The following SLC33A1 variants were observed in gnomAD, a reference collection of about 807,000 sequenced individuals.
SLC33A1 encodes the protein acetyl-coenzyme A transporter 1.
A neutral mutation model predicts 50.0 loss-of-function variants in SLC33A1; 20 were observed. The observed-to-expected ratio is 0.40, with a 90% CI of 0.28 to 0.58. The LOEUF (loss-of-function observed/expected upper bound fraction) is 0.58, where lower values mean the gene tolerates loss of function less well. SLC33A1 is among the 20% of genes least tolerant of loss of function. The pLI, the probability that SLC33A1 is intolerant of heterozygous loss-of-function variation, is 0.44. For missense variants in SLC33A1, 476 were observed against 657.0 expected (o/e 0.72, Z 3.01); for synonymous variants, 265 against 251.8 (o/e 1.05, Z -0.50).
At chr3:155,849,551 T>C (rs923020582) in intron 1 of SLC33A1, among the ~76,000 whole-genome samples, 1 of 149,990 alleles carries the variant, frequency 6.7e-6, no homozygotes, top group Non-Finnish European at 1.5e-5. Flanking sequence ...AAGCTAGTTA[T>C]AGAATCTACT....
intron 2 of SLC33A1, among the ~76,000 whole-genome samples, chr3:155,839,331 ACCATTTCACTCCAGCCTGGGC>A (rs1752832448): frequency 9.1e-6 from 1 of 109,994 alleles, no homozygotes; most frequent in Non-Finnish European, 1.8e-5. Context: ...AAAAAAATTA[ACCATTTCACTCCAGCCTGGGC>A]AACAAAGCGA....
chr3:155,829,622 A>C, intron 5 of SLC33A1, 66 bp downstream of exon 5: 1 of 1,151,626 alleles, frequency 8.7e-7, no homozygotes, highest in East Asian at 2.4e-5. Context: ...GTACTTCTAG[A>C]GACAAAACAA....
intron 2 of SLC33A1, among the ~76,000 whole-genome samples, chr3:155,834,259 A>C (rs1752566736): frequency 6.6e-6 from 1 of 152,200 alleles, no homozygotes; most frequent in Admixed American, 6.5e-5. Flanking sequence ...CTGAAAATTC[A>C]GTACTGGTAG....
chr3:155,824,493 C>A lies in SLC33A1; in HGVS notation c.*3717G>T, dbSNP rs1028058958. On this transcript the variant is annotated 3_prime_UTR_variant, in exon 6 of 6. Transcript: ENST00000643144. The stretch of plus-strand genomic sequence containing the variant: ...TTTCTCTTTTGTAGGATATAATTCA[C>A]CCCTGTGGTTTCTCTTCTACCATTA... 3 of 152,202 alleles carry A rather than the reference C, an allele frequency of 2.0e-5. No homozygotes were observed. The highest frequency in any genetic ancestry group is 7.2e-5 in the African/African-American group (3 of 41,454). The allele number at this position is 152,202 out of a possible 1,614,324, so 9.4% of individuals were successfully genotyped here. A position where few individuals can be genotyped will look rare whatever the true frequency, so the allele number is the denominator to read the frequency against.
At chr3:155,848,650 C>A (rs1412901821) in intron 1 of SLC33A1, among the ~76,000 whole-genome samples, 2 of 152,108 alleles carry the variant, frequency 1.3e-5, no homozygotes, top group African/African-American at 2.4e-5. Context: ...CCACTGCATT[C>A]CAGCCTGGGC....
intron 2 of SLC33A1, among the ~76,000 whole-genome samples, chr3:155,839,073 G>T (rs1752820746): frequency 1.3e-5 from 2 of 151,946 alleles, no homozygotes; most frequent in South Asian, 4.2e-4. Flanking sequence ...CAGATCACCT[G>T]AAGTCGGGAG....
rs1435939959 is a variant in SLC33A1, at chr3:155,828,140, T to C, written c.*70A>G. Reference sequence around the variant, plus strand: ...AATAATATTTTATACTCCTGTGCACTGATTATCATTGCTCTCCGAATTAAA... The same window carrying C: ...AATAATATTTTATACTCCTGTGCACCGATTATCATTGCTCTCCGAATTAAA... On this transcript the variant is annotated 3_prime_UTR_variant, in exon 6 of 6. Transcript: ENST00000643144. 1 of 1,104,162 alleles carries C rather than the reference T, an allele frequency of 9.1e-7. No homozygotes were observed. The highest frequency in any genetic ancestry group is 1.4e-6 in the Non-Finnish European group (1 of 715,080). 68.4% of individuals were successfully genotyped at this position (1,104,162 alleles called of 1,614,324 possible). A position where few individuals can be genotyped will look rare whatever the true frequency, so the allele number is the denominator to read the frequency against.
At chr3:155,846,401 C>T (rs1753175473) in intron 1 of SLC33A1, among the ~76,000 whole-genome samples, 1 of 151,754 alleles carries the variant, frequency 6.6e-6, no homozygotes, top group Non-Finnish European at 1.5e-5. Flanking sequence ...AAAAAAGGTT[C>T]ATATTTTAGC....
rs544271645 is a variant in SLC33A1 at position 155,821,671 on chromosome 3, G to A, written c.*6539C>T. ...AGTAGAGATGGGGTTTCTCCATGTG[G>A]GTCAGGCCGGTCTTCAACTCCTGAC... On this transcript the variant is annotated 3_prime_UTR_variant, in exon 6 of 6. Transcript: ENST00000643144. 6.6e-6 allele frequency: 1 copy of A among 151,936 alleles called. No individual in the cohort carries two copies. The highest frequency in any genetic ancestry group is 1.9e-4 in the East Asian group (1 of 5,170). The allele number at this position is 151,936 out of a possible 1,614,324, so 9.4% of individuals were successfully genotyped here. A position where few individuals can be genotyped will look rare whatever the true frequency, so the allele number is the denominator to read the frequency against.
intron 1 of SLC33A1, among the ~76,000 whole-genome samples, chr3:155,847,528 TGAG>T (rs1361430667): frequency 3.3e-5 from 5 of 152,038 alleles, no homozygotes; most frequent in Non-Finnish European, 5.9e-5. Flanking sequence ...GCGGATCACC[TGAG>T]GTCAGGAGTT....
intron 2 of SLC33A1, among the ~76,000 whole-genome samples, chr3:155,839,107 G>A (rs975298223): frequency 7.3e-5 from 11 of 151,644 alleles, no homozygotes; most frequent in Admixed American, 5.9e-4. Context: ...TGATCAACAT[G>A]GAGAAACCCC....
Position 155,853,595 on chromosome 3 carries a change from T to C in SLC33A1, c.403A>G (p.Lys135Glu), listed in dbSNP as rs1194445809. 5 of 1,614,054 alleles carry C rather than the reference T, an allele frequency of 3.1e-6. No homozygotes were observed. In the South Asian group the frequency reaches 4.4e-5, roughly 14 times the overall value. ...CAAGATTTGCGACGACCGAAGTTCT[T>C]AACGTAGACCGCATCAACCAACGGG... ...WAPLVDAVYV[K>E]NFGRRKSWLV... is the part of the protein sequence containing the mutation. Residue 135 changes from lysine to glutamate, a missense_variant, in exon 1 of 6, where the codon AAG becomes GAG. Lys to Glu is a moderately conservative substitution (Grantham distance 56, BLOSUM62 1). Transcript: ENST00000643144.
chr3:155,837,661 C>A (rs182079353), intron 2 of SLC33A1, among the ~76,000 whole-genome samples: 2 of 151,898 alleles, frequency 1.3e-5, no homozygotes, highest in African/African-American at 2.4e-5. Context: ...ATCCATACAA[C>A]GGAATACTAT....
Position 155,822,851 on chromosome 3 carries a change from T to G in SLC33A1, c.*5359A>C, listed in dbSNP as rs1301790780. ...AAAATTTTTTTAGAGTAAAGGTGAT[T>G]AGTCATAGAACTTTCTTTCTTTTTC... On this transcript the variant is annotated 3_prime_UTR_variant, in exon 6 of 6. Transcript: ENST00000643144. 1 of 152,124 alleles carries G rather than the reference T, an allele frequency of 6.6e-6. No individual in the cohort carries two copies. The highest frequency in any genetic ancestry group is 1.5e-5 in the Non-Finnish European group (1 of 67,998). The allele number at this position is 152,124 out of a possible 1,614,324, so 9.4% of individuals were successfully genotyped here. A position where few individuals can be genotyped will look rare whatever the true frequency, so the allele number is the denominator to read the frequency against.
At position 155,829,796 on chromosome 3, in the gene SLC33A1, C is replaced by T. The variant is rs1752336968; in HGVS notation, c.1374G>A (p.Leu458=). The T allele has an allele frequency of 1.2e-6, 2 of 1,613,840 alleles. No homozygotes were observed. Among genetic ancestry groups the T allele is most frequent in the Non-Finnish European group, 8.5e-7 (1 of 1,179,858 alleles). Residue 458 remains leucine, a synonymous_variant, in exon 5 of 6, where the codon CTG becomes CTA. Coordinates refer to ENST00000643144, the MANE Select transcript of SLC33A1 (RefSeq NM_004733.4). The stretch of plus-strand genomic sequence containing the variant: ...CTACTGTAGAAGGCCAGTTTCCTCC[C>T]AGATTGGACACGGTATTTAAAAGGG... ...YMTLLNTVSN[L]GGNWPSTVAL... is the part of the protein sequence containing the mutation.
intron 2 of SLC33A1, among the ~76,000 whole-genome samples, chr3:155,836,271 A>T (rs1208770850): frequency 3.7e-5 from 4 of 108,502 alleles, no homozygotes; most frequent in African/African-American, 1.4e-4. Context: ...TGACAGAGTG[A>T]GACTCTGTCA....
rs186999139 is a variant in SLC33A1 at position 155,851,669 on chromosome 3, C to T, written c.775+1554G>A. Among the ~76,000 whole-genome samples the T allele has an allele frequency of 9.9e-5, 15 of 152,246 alleles. No homozygotes were observed. In the East Asian group the frequency reaches 2.9e-3, roughly 29 times the overall value. The stretch of plus-strand genomic sequence containing the variant: ...CTGACCTCAAGTGATCCTCCCACCT[C>T]AGCCTCCCAAAGTGCTGGGATTACA... On this transcript the variant is annotated intron_variant, in intron 1 of 5. Coordinates refer to ENST00000643144, the MANE Select transcript of SLC33A1 (RefSeq NM_004733.4).
rs1248855970 is a variant in SLC33A1 at position 155,828,271 on chromosome 3, G to A, written c.1589C>T (p.Pro530Leu). ...IGFGWWFFLG[P>L]KFKKLQDEGS... ...TTCATCCTGTAACTTTTTAAATTTT[G>A]GACCAAGAAAGAACCACCAACCAAA... is the stretch of plus-strand genomic sequence containing the variant. The change falls in exon 6 of 6, where the codon CCA (proline) becomes CTA (leucine). Residue 530 changes from proline to leucine, a missense_variant. Pro to Leu is a moderately conservative substitution (Grantham distance 98). Coordinates refer to ENST00000643144, the MANE Select transcript of SLC33A1 (RefSeq NM_004733.4). 1.2e-6 allele frequency: 2 copies of A among 1,612,260 alleles called. No individual in the cohort carries two copies. Among genetic ancestry groups the A allele is most frequent in the African/African-American group, 2.7e-5 (2 of 74,748 alleles).
At chr3:155,839,963 GTA>G (rs1381801130) in intron 2 of SLC33A1, among the ~76,000 whole-genome samples, 2 of 151,462 alleles carry the variant, frequency 1.3e-5, no homozygotes, top group African/African-American at 4.9e-5. Context: ...ATAAAATAAA[GTA>G]TATGAGTAAA....
Sources: gnomAD v4.1 joint callset for allele counts (sites outside exome capture counted in the v4.1 genomes callset) on GRCh38, gnomAD v4.1.1 for gene constraint, MANE v1.5 for transcripts, NCBI Gene and HGNC (gene_info 2026-07-23, HGNC 2026-07-21) for gene names.